Variants in SNED1 observed in about 807,000 individuals in gnomAD.
SNED1 encodes the protein sushi, nidogen and EGF like domains 1.
In SNED1, 81 loss-of-function variants were observed where a neutral mutation model predicts 166.7. The ratio of observed to expected loss-of-function variants is 0.49; its 90% CI spans 0.41 to 0.58. The LOEUF (loss-of-function observed/expected upper bound fraction) is 0.58. SNED1 is among the 20% of genes least tolerant of loss of function. The pLI is 0.00. For missense variants in SNED1, 1,604 were observed against 2,000.2 expected (o/e 0.80, Z 3.78); for synonymous variants, 762 against 822.0 (o/e 0.93, Z 1.25).
chr2:241,052,193 G>A, intron 14 of SNED1, 36 bp downstream of exon 14: 10 of 1,569,114 alleles, frequency 6.4e-6, no homozygotes, highest in Non-Finnish European at 8.8e-6. Flanking sequence ...GGGCGGCCAG[G>A]GGTGAACCCT....
chr2:241,036,014 G>GGGTTGGAGGTGCGTCACGGGGTGGGTGGA (rs1405114376), intron 4 of SNED1, among the ~76,000 whole-genome samples: 6 of 108,696 alleles, frequency 5.5e-5, no homozygotes, highest in Non-Finnish European at 9.7e-5. Context: ...AGGGGAGTGG[G>GGGTTGGAGGTGCGTCACGGGGTGGGTGGA]GGGTGGAGGT....
rs55760994 is a variant in SNED1 at position 241,094,651 on chromosome 2, G to T, written c.*3015G>T. ...CATTACTGTTGTGGACCAGGCCTTA[G>T]ATGAGTTTCTCAGGCTCAGCACTGA... is the stretch of plus-strand genomic sequence containing the variant. On this transcript the variant is annotated 3_prime_UTR_variant, in exon 32 of 32. Transcript: ENST00000310397. The surrounding 1 kb of genome is among the most constrained non-coding windows in gnomAD (Gnocchi z 4.3). The T allele has an allele frequency of 0.018, 6,006 of 329,098 alleles. 351 individuals carry two copies. The highest frequency in any genetic ancestry group is 0.12 in the African/African-American group (5,586 of 45,646). 20.4% of individuals were successfully genotyped at this position (329,098 alleles called of 1,614,324 possible). A position where few individuals can be genotyped will look rare whatever the true frequency, so the allele number is the denominator to read the frequency against.
chr2:241,037,030 C>A (rs1413985465), intron 5 of SNED1, 115 bp downstream of exon 5: 4 of 1,332,822 alleles, frequency 3.0e-6, no homozygotes, highest in Non-Finnish European at 4.1e-6. Flanking sequence ...GAGTCTCTGT[C>A]CCCAGGGTGT....
At chr2:241,034,489 A>G in intron 3 of SNED1, 79 bp from the exon 4 acceptor site, 5 of 1,336,214 alleles carry the variant, frequency 3.7e-6, no homozygotes, top group Non-Finnish European at 4.1e-6. Flanking sequence ...TGGCAGGAAC[A>G]TGGTGGGGGC....
At chr2:241,001,133 C>T (rs998233943) in intron 1 of SNED1, among the ~76,000 whole-genome samples, 13 of 152,234 alleles carry the variant, frequency 8.5e-5, no homozygotes, top group Non-Finnish European at 8.8e-5. Flanking sequence ...GCCCTGGACT[C>T]AGACTCCCAT....
chr2:241,015,505 T>C (rs2060551088), intron 1 of SNED1: 1 of 152,388 alleles, frequency 6.6e-6, no homozygotes, highest in Admixed American at 6.5e-5. Flanking sequence ...ATCATCTATG[T>C]GCAGAGTCCA....
intron 1 of SNED1, among the ~76,000 whole-genome samples, chr2:241,027,926 G>T (rs953843404): frequency 9.2e-5 from 14 of 151,862 alleles, no homozygotes; most frequent in African/African-American, 3.4e-4. Flanking sequence ...GTAGAGACAG[G>T]GTTTCACCAT....
In SNED1 at chr2:241,071,828, T is replaced by A; in HGVS notation, c.3767T>A (p.Val1256Glu). Residue 1256 changes from valine to glutamate, a missense_variant, in exon 26 of 32, where the codon GTG becomes GAG. This residue lies in a region of SNED1 where 367 missense variants were observed against 379.4 expected (regional missense o/e 0.97). Transcript: ENST00000310397. ...FSELVDGRGR[V>E]SARFGGSPSK... is the part of the protein sequence containing the mutation. ...GAGCTTGTGGACGGCAGAGGAAGAG[T>A]GAGCGCCAGGTTCGGTGGCTCACCC... 1 of 1,601,952 alleles carries A rather than the reference T, an allele frequency of 6.2e-7. No individual in the cohort carries two copies. The highest frequency in any genetic ancestry group is 8.5e-7 in the Non-Finnish European group (1 of 1,175,272).
chr2:241,051,967 G>A lies in SNED1; in HGVS notation c.1853-74G>A. The A allele has an allele frequency of 6.7e-7, 1 of 1,501,676 alleles. No individual in the cohort carries two copies. The highest frequency in any genetic ancestry group is 9.2e-7 in the Non-Finnish European group (1 of 1,092,424). The allele number at this position is 1,501,676 out of a possible 1,614,324, so 93.0% of individuals were successfully genotyped here. On this transcript the variant is annotated intron_variant, in intron 13 of 31. Transcript: ENST00000310397. The surrounding 1 kb of genome is among the most constrained non-coding windows in gnomAD (Gnocchi z 4.7). ...GCTGTGGGTCTGCTTCTCATGAAGA[G>A]GCCCCAGCTCTGGGATGTTGGGGAA...
intron 1 of SNED1, among the ~76,000 whole-genome samples, chr2:241,026,463 T>C (rs928266996): frequency 6.6e-6 from 1 of 152,352 alleles, no homozygotes; most frequent in Middle Eastern, 3.4e-3. Flanking sequence ...GTCATCTTAC[T>C]GTTTTCCATT....
Position 241,026,009 on chromosome 2 carries a change from C to CTTTTTTTTT in SNED1, c.214-4259_214-4251dup, listed in dbSNP as rs71404676. The stretch of plus-strand genomic sequence containing the variant: ...TTGATGTGGCTTTGTTTTTCTTTTC[C>CTTTTTTTTT]TTTTTTTTTTTTTTTTTTTTTTTTG... On this transcript the variant is annotated intron_variant, in intron 1 of 31. Transcript: ENST00000310397. 3.7e-3 allele frequency among the ~76,000 whole-genome samples: 274 copies of CTTTTTTTTT among 73,590 alleles called. 32 individuals are homozygous for CTTTTTTTTT. Among genetic ancestry groups the CTTTTTTTTT allele is most frequent in the African/African-American group, 8.8e-3 (170 of 19,274 alleles). The allele number at this position is 73,590 out of a possible 152,430, so 48.3% of individuals were successfully genotyped here.
Position 241,071,595 on chromosome 2 carries a change from C to A in SNED1, c.3609C>A (p.Asp1203Glu). 1 of 1,588,014 alleles carries A rather than the reference C, an allele frequency of 6.3e-7. No individual in the cohort carries two copies. The highest frequency in any genetic ancestry group is 8.5e-7 in the Non-Finnish European group (1 of 1,174,464). Residue 1203 changes from aspartate (D) to glutamate (E), a missense_variant, in exon 25 of 32, where the codon GAC becomes GAA. This residue lies in a region of SNED1 where 367 missense variants were observed against 379.4 expected (regional missense o/e 0.97). Coordinates refer to ENST00000310397, the MANE Select transcript of SNED1 (RefSeq NM_001080437.3). ...YIITSPRDGA[D>E]RRWHQGGHHP... ...CTGCAGCCCCCAGGGATGGCGCTGA[C>A]AGACGCTGGCACCAGGGAGGACACC...
chr2:241,088,099 C>T (rs1170479438), intron 30 of SNED1: 3 of 493,064 alleles, frequency 6.1e-6, no homozygotes, highest in Non-Finnish European at 1.1e-5. Flanking sequence ...TGCTTGCTTT[C>T]TCCCACGTCC....
At chr2:241,004,520 C>A (rs1293126600) in intron 1 of SNED1, among the ~76,000 whole-genome samples, 3 of 143,166 alleles carry the variant, frequency 2.1e-5, no homozygotes, top group Non-Finnish European at 4.7e-5. Context: ...ATTACCTACA[C>A]CTCTGATTTT....
intron 1 of SNED1, among the ~76,000 whole-genome samples, chr2:241,021,973 G>A (rs1158920786): frequency 6.6e-6 from 1 of 152,166 alleles, no homozygotes; most frequent in Non-Finnish European, 1.5e-5. Flanking sequence ...GGTGAAAAGT[G>A]GTATCTTGTG....
At chr2:241,079,088 T>C (rs1331022903) in intron 27 of SNED1, among the ~76,000 whole-genome samples, 101 of 116,376 alleles carry the variant, frequency 8.7e-4, no homozygotes, top group Non-Finnish European at 1.7e-4. Flanking sequence ...CACTCCAGCC[T>C]GGGTGACAGG....
At chr2:241,077,878 A>G (rs1459826009) in intron 27 of SNED1, among the ~76,000 whole-genome samples, 2 of 152,136 alleles carry the variant, frequency 1.3e-5, no homozygotes, top group African/African-American at 2.4e-5. Context: ...TGCTGGTGGG[A>G]CTGTAAAGTG....
At chr2:241,037,422 A>T in intron 6 of SNED1, 69 bp downstream of exon 6, 1 of 1,097,004 alleles carries the variant, frequency 9.1e-7, no homozygotes, top group Non-Finnish European at 1.4e-6. Flanking sequence ...CAGCTGGACA[A>T]GGCTGAGGTC....
At position 241,048,264 on chromosome 2, in the gene SNED1, C is replaced by T. The variant is rs75646815; in HGVS notation, c.1274-51C>T. 6.0e-4 allele frequency: 918 copies of T among 1,529,366 alleles called. 11 individuals are homozygous for T. In the East Asian group the frequency reaches 0.017, roughly 28 times the overall value. The allele number at this position is 1,529,366 out of a possible 1,614,324, so 94.7% of individuals were successfully genotyped here. A position where few individuals can be genotyped will look rare whatever the true frequency, so the allele number is the denominator to read the frequency against. On this transcript the variant is annotated intron_variant, in intron 8 of 31. Transcript: ENST00000310397. ...CCATTGGAGCTGGGCGGGGAGACCA[C>T]TCTCCCCACATTCCCTGCGTGGCCG... is the stretch of plus-strand genomic sequence containing the variant.
Sources: allele counts gnomAD v4.1 joint callset (sites outside exome capture counted in the v4.1 genomes callset), GRCh38; gene constraint gnomAD v4.1.1; regional missense constraint gnomAD v4.1.1; non-coding constraint Gnocchi (gnomAD v3.1); transcripts MANE v1.5; gene names NCBI Gene and HGNC (gene_info 2026-07-23, HGNC 2026-07-21).